NXPE2: variants seen among roughly 807,000 people sequenced by gnomAD.
NXPE2 encodes the protein NXPE family member 2.
A neutral mutation model predicts 34.4 loss-of-function variants in NXPE2; 34 were observed. That is an observed-to-expected ratio of 0.99 (90% confidence interval 0.75 to 1.31). NXPE2 has a LOEUF of 1.31. Among genes scored for constraint, NXPE2 ranks in the 40% most tolerant of loss-of-function variants. The pLI is 0.00. For synonymous variants in NXPE2, 235 were observed against 231.3 expected, an observed-to-expected ratio of 1.02 and a Z score of -0.15; for missense variants, 649 against 672.5, an observed-to-expected ratio of 0.97 and a Z score of 0.39.
At chr11:114,485,781 T>C in the NXPE2 span, among the ~76,000 whole-genome samples, 4 of 152,138 alleles carry the variant, frequency 2.6e-5, no homozygotes, top group African/African-American at 9.7e-5. Flanking sequence ...TTATTTCACT[T>C]AACATAATGA....
the NXPE2 span, among the ~76,000 whole-genome samples, chr11:114,472,768 A>G: frequency 3.9e-5 from 6 of 152,138 alleles, no homozygotes; most frequent in African/African-American, 1.4e-4. Context: ...GTTCTACGTA[A>G]TGGCAGGCAA....
the NXPE2 span, among the ~76,000 whole-genome samples, chr11:114,623,882 A>G: frequency 1.3e-5 from 2 of 152,052 alleles, no homozygotes; most frequent in Non-Finnish European, 2.9e-5. Context: ...TACCCAGGGG[A>G]TAGTAAGTAT....
chr11:114,786,355 A>ACCCCCCCCCCCCCC, the NXPE2 span, among the ~76,000 whole-genome samples: 6 of 127,320 alleles, frequency 4.7e-5, no homozygotes, highest in East Asian at 2.3e-4. Context: ...AGATCTTTCT[A>ACCCCCCCCCCCCCC]CCCCCGCCCC....
At chr11:114,584,067 A>G in the NXPE2 span, 13 of 305,838 alleles carry the variant, frequency 4.3e-5, no homozygotes, top group Admixed American at 1.6e-4. Context: ...GGTCACTTAG[A>G]TTGCTTTAAT....
At chr11:114,639,136 GGCT>G in the NXPE2 span, among the ~76,000 whole-genome samples, 1 of 151,922 alleles carries the variant, frequency 6.6e-6, no homozygotes, top group Non-Finnish European at 1.5e-5. Context: ...CGAGCTTCCC[GGCT>G]GCTTTGTTTA....
the NXPE2 span, among the ~76,000 whole-genome samples, chr11:114,622,725 C>A: frequency 6.6e-6 from 1 of 151,660 alleles, no homozygotes; most frequent in African/African-American, 2.4e-5. Flanking sequence ...TACGTGTTCC[C>A]TCGTGTGTAA....
the NXPE2 span, among the ~76,000 whole-genome samples, chr11:114,546,429 T>G: frequency 6.6e-6 from 1 of 151,966 alleles, no homozygotes; most frequent in Non-Finnish European, 1.5e-5. Context: ...GATATGCATG[T>G]ATTACTGGCT....
At chr11:114,571,874 T>C in the NXPE2 span, among the ~76,000 whole-genome samples, 2 of 152,200 alleles carry the variant, frequency 1.3e-5, no homozygotes, top group African/African-American at 2.4e-5. Flanking sequence ...AGGGCAAGTT[T>C]CCATCCTGCC....
chr11:114,653,169 A>G, the NXPE2 span, among the ~76,000 whole-genome samples: 1 of 152,254 alleles, frequency 6.6e-6, no homozygotes, highest in Non-Finnish European at 1.5e-5. Flanking sequence ...TTATAAAAGT[A>G]TCTGGAGAAA....
chr11:114,593,139 T>C, the NXPE2 span, among the ~76,000 whole-genome samples: 8 of 151,804 alleles, frequency 5.3e-5, no homozygotes, highest in African/African-American at 1.9e-4. Context: ...GGATAAGACC[T>C]CAAATGCACA....
the NXPE2 span, among the ~76,000 whole-genome samples, chr11:114,566,067 A>G: frequency 6.6e-6 from 1 of 152,234 alleles, no homozygotes; most frequent in Non-Finnish European, 1.5e-5. Context: ...ATTTTGGAAT[A>G]TAAATCAAGA....
chr11:114,640,258 T>G, the NXPE2 span, among the ~76,000 whole-genome samples: 1 of 142,768 alleles, frequency 7.0e-6, no homozygotes, highest in African/African-American at 2.6e-5. Context: ...ATATAAAATA[T>G]ATAGTATATA....
chr11:114,496,152 T>C, the NXPE2 span, among the ~76,000 whole-genome samples: 1 of 152,112 alleles, frequency 6.6e-6, no homozygotes, highest in Non-Finnish European at 1.5e-5. Context: ...CCCCAGAGCT[T>C]TTTAGCCCAT....
At chr11:114,633,708 T>C in the NXPE2 span, among the ~76,000 whole-genome samples, 2 of 148,224 alleles carry the variant, frequency 1.3e-5, no homozygotes, top group Non-Finnish European at 3.0e-5. Context: ...AGTGAGAACA[T>C]GTGGCGTTTG....
At chr11:114,752,283 G>C in the NXPE2 span, among the ~76,000 whole-genome samples, 1 of 152,224 alleles carries the variant, frequency 6.6e-6, no homozygotes, top group African/African-American at 2.4e-5. Flanking sequence ...GGAGGAAGAG[G>C]CTTCCGGGAG....
At chr11:114,565,930 T>C in the NXPE2 span, among the ~76,000 whole-genome samples, 4 of 151,976 alleles carry the variant, frequency 2.6e-5, no homozygotes, top group Non-Finnish European at 5.9e-5. Context: ...TCTCCACATA[T>C]ATTGTAAAAA....
chr11:114,674,217 G>C (rs1395193957), upstream of NXPE2, among the ~76,000 whole-genome samples: 1 of 151,764 alleles, frequency 6.6e-6, no homozygotes, highest in African/African-American at 2.4e-5. Context: ...ACAATGGTAT[G>C]CTGAAGTTCA....
chr11:114,549,991 A>T, the NXPE2 span, among the ~76,000 whole-genome samples: 1,118 of 152,196 alleles, frequency 7.3e-3, 10 homozygotes, highest in Non-Finnish European at 0.011. Context: ...ATAATAAAAT[A>T]CTTAAGTGTA....
the NXPE2 span, among the ~76,000 whole-genome samples, chr11:114,757,247 A>G: frequency 6.6e-6 from 1 of 152,034 alleles, no homozygotes; most frequent in South Asian, 2.1e-4. Context: ...TATATCAACT[A>G]AAGTGAAAAA....
Sources: gnomAD v4.1 joint callset for allele counts (sites outside exome capture counted in the v4.1 genomes callset) on GRCh38, gnomAD v4.1.1 for gene constraint, MANE v1.5 for transcripts, NCBI Gene and HGNC (gene_info 2026-07-23, HGNC 2026-07-21) for gene names.